SCAPER: variants seen among roughly 807,000 people sequenced by gnomAD.
SCAPER encodes the protein S phase cyclin A-associated protein in the endoplasmic reticulum.
SCAPER carries 98 observed loss-of-function variants against 182.2 expected under a neutral mutation model. The observed-to-expected ratio is 0.54, with a 90% CI of 0.46 to 0.64. The LOEUF is 0.64. Among genes scored for constraint, SCAPER ranks in the 30% least tolerant of loss-of-function variants. The pLI, the probability that SCAPER is intolerant of heterozygous loss-of-function variation, is 0.00. For synonymous variants in SCAPER, 605 were observed against 564.6 expected, an observed-to-expected ratio of 1.07 and a Z score of -1.01; for missense variants, 1,432 against 1,690.0, an observed-to-expected ratio of 0.85 and a Z score of 2.68.
At chr15:76,880,307 A>G (rs2073452135) in intron 2 of SCAPER, among the ~76,000 whole-genome samples, 1 of 152,244 alleles carries the variant, frequency 6.6e-6, no homozygotes, top group East Asian at 1.9e-4. Context: ...GGGCACAGAC[A>G]AAAGTGTTGT....
chr15:76,739,180 A>C (rs1008298021), intron 15 of SCAPER, among the ~76,000 whole-genome samples: 1 of 152,198 alleles, frequency 6.6e-6, no homozygotes, highest in East Asian at 1.9e-4. Flanking sequence ...GCAACCATCA[A>C]TTTTTGTATC....
intron 4 of SCAPER, among the ~76,000 whole-genome samples, chr15:76,854,803 CAAAAAA>C (rs35484908): frequency 8.7e-4 from 103 of 118,350 alleles, no homozygotes; most frequent in African/African-American, 3.2e-3. Flanking sequence ...ACTAAAAATA[CAAAAAA>C]AAAAAAAAAA....
intron 22 of SCAPER, among the ~76,000 whole-genome samples, chr15:76,579,226 A>G (rs1302376562): frequency 1.6e-5 from 2 of 126,284 alleles, no homozygotes; most frequent in South Asian, 2.8e-4. Flanking sequence ...AGATGGTGCC[A>G]CTGCACTCCA....
At chr15:76,904,249 C>G (rs1485127165) in intron 1 of SCAPER, among the ~76,000 whole-genome samples, 1 of 152,114 alleles carries the variant, frequency 6.6e-6, no homozygotes, top group Non-Finnish European at 1.5e-5. Context: ...ACCTTTTGAG[C>G]CCCCGTTTCT....
At chr15:76,381,967 G>A (rs1384822766) in intron 27 of SCAPER, among the ~76,000 whole-genome samples, 1 of 152,174 alleles carries the variant, frequency 6.6e-6, no homozygotes, top group East Asian at 1.9e-4. Flanking sequence ...TTGGGACTCA[G>A]AGGCCAAAAA....
At chr15:76,757,453 T>TACAC (rs146784149) in intron 14 of SCAPER, among the ~76,000 whole-genome samples, 10 of 87,068 alleles carry the variant, frequency 1.1e-4, no homozygotes, top group East Asian at 9.3e-4. Flanking sequence ...CTGTTTTATA[T>TACAC]ATACACACAC....
chr15:76,860,218 G>A (rs1398988664), intron 3 of SCAPER, among the ~76,000 whole-genome samples: 1 of 151,992 alleles, frequency 6.6e-6, no homozygotes, highest in Non-Finnish European at 1.5e-5. Context: ...CATGGAAAAT[G>A]AGAGAATACA....
At chr15:76,436,644 T>C (rs1435819338) in intron 25 of SCAPER, among the ~76,000 whole-genome samples, 1 of 152,146 alleles carries the variant, frequency 6.6e-6, no homozygotes, top group African/African-American at 2.4e-5. Flanking sequence ...GTTTCTAACA[T>C]GGTCTCTGTT....
At chr15:76,690,267 A>G (rs2058280220) in intron 20 of SCAPER, among the ~76,000 whole-genome samples, 1 of 152,152 alleles carries the variant, frequency 6.6e-6, no homozygotes, top group Non-Finnish European at 1.5e-5. Context: ...AAAAAAATCT[A>G]TAAATATACT....
chr15:76,637,755 T>A (rs2053751797), intron 21 of SCAPER, among the ~76,000 whole-genome samples: 1 of 60,946 alleles, frequency 1.6e-5, no homozygotes, highest in African/African-American at 7.0e-5. Flanking sequence ...TGTGTGTGTG[T>A]GTGTGTGTGT....
At chr15:76,550,309 G>A (rs1010746057) in intron 23 of SCAPER, among the ~76,000 whole-genome samples, 1 of 152,076 alleles carries the variant, frequency 6.6e-6, no homozygotes, top group African/African-American at 2.4e-5. Flanking sequence ...TAGGTATTAA[G>A]CCCAGCATGC....
In SCAPER at chr15:76,635,185, G is replaced by A. The variant is rs530581394; in HGVS notation, c.2646-13356C>T. Among the ~76,000 whole-genome samples the A allele has an allele frequency of 9.9e-5, 15 of 152,174 alleles. 2 individuals are homozygous for A. In the South Asian group the frequency reaches 1.5e-3, roughly 15 times the overall value. On this transcript the variant is annotated intron_variant, in intron 21 of 31. Coordinates refer to ENST00000563290, the MANE Select transcript of SCAPER (RefSeq NM_020843.4). ...TCTCTGGAGCCTATCAAAGTCTATA[G>A]GCCAGAACCTATCCCAGCAGCTCAG...
At chr15:76,465,184 C>G (rs1295826894) in intron 25 of SCAPER, among the ~76,000 whole-genome samples, 1 of 152,126 alleles carries the variant, frequency 6.6e-6, no homozygotes, top group Non-Finnish European at 1.5e-5. Context: ...AAACAACAAA[C>G]AGAAATTTAT....
chr15:76,662,207 G>A (rs745793759), intron 21 of SCAPER, among the ~76,000 whole-genome samples: 25 of 152,138 alleles, frequency 1.6e-4, no homozygotes, highest in Admixed American at 9.8e-4. Flanking sequence ...AAAGCATCAG[G>A]ACAAATAGCT....
In SCAPER at chr15:76,844,906, C is replaced by CA. The variant is rs201946503; in HGVS notation, c.196-2976dup. Among the ~76,000 whole-genome samples the CA allele has an allele frequency of 1.9e-3, 286 of 151,194 alleles. 1 individual carries two copies. Among genetic ancestry groups the CA allele is most frequent in the African/African-American group, 5.7e-3 (237 of 41,284 alleles). Reference sequence around the variant, plus strand: ...TGATACCAAAATCAGACAGACACATCAAAAAAAACAAAAATACAGGCCACT... The same window carrying CA: ...TGATACCAAAATCAGACAGACACATCAAAAAAAAACAAAAATACAGGCCACT... On this transcript the variant is annotated intron_variant, in intron 4 of 31. Transcript: ENST00000563290.
intron 22 of SCAPER, among the ~76,000 whole-genome samples, chr15:76,602,071 T>C (rs2049970340): frequency 8.2e-6 from 1 of 122,032 alleles, no homozygotes; most frequent in South Asian, 2.5e-4. Flanking sequence ...AAACCCATGC[T>C]GTCTAAGGGT....
intron 23 of SCAPER, among the ~76,000 whole-genome samples, chr15:76,512,546 T>C (rs1457273418): frequency 2.0e-5 from 3 of 151,904 alleles, no homozygotes; most frequent in African/African-American, 7.3e-5. Context: ...ACCACTGCTA[T>C]TCCTGCAGAC....
chr15:76,841,698 T>A, intron 5 of SCAPER, 36 bp downstream of exon 5: 2 of 1,593,366 alleles, frequency 1.3e-6, no homozygotes, highest in Non-Finnish European at 1.7e-6. Context: ...AGAATCTGAG[T>A]TCAAATGGAT....
chr15:76,373,193 G>A (rs570971149), intron 29 of SCAPER, among the ~76,000 whole-genome samples: 5 of 151,848 alleles, frequency 3.3e-5, no homozygotes, highest in South Asian at 2.1e-4. Flanking sequence ...GATTTCAGGC[G>A]CCTGCCATCA....
Sources: allele counts gnomAD v4.1 joint callset (sites outside exome capture counted in the v4.1 genomes callset), GRCh38; gene constraint gnomAD v4.1.1; transcripts MANE v1.5; gene names NCBI Gene and HGNC (gene_info 2026-07-23, HGNC 2026-07-21).